Variants in CNTN5 observed in about 807,000 individuals in gnomAD.
CNTN5 encodes the protein contactin 5.
CNTN5 carries 77 observed loss-of-function variants against 129.1 expected under a neutral mutation model. The observed-to-expected ratio is 0.60, with a 90% CI of 0.50 to 0.72. CNTN5 has a LOEUF of 0.72. CNTN5 is among the 30% of genes least tolerant of loss of function. The probability of loss-of-function intolerance (pLI) is 0.00; values close to 1 mark genes in which losing one functional copy is unlikely to be tolerated. For missense variants in CNTN5, 1,478 were observed against 1,328.8 expected, an observed-to-expected ratio of 1.11 and a Z score of -1.75; for synonymous variants, 509 against 465.6, an observed-to-expected ratio of 1.09 and a Z score of -1.20.
Position 100,354,024 on chromosome 11 carries a change from T to C in CNTN5, c.3200-2093T>C, listed in dbSNP as rs377677191. 6.6e-5 allele frequency among the ~76,000 whole-genome samples: 10 copies of C among 151,534 alleles called. No individual in the cohort carries two copies. In the East Asian group the frequency reaches 1.7e-3, roughly 26 times the overall value. On this transcript the variant is annotated intron_variant, in intron 24 of 24. Coordinates refer to ENST00000524871, the MANE Select transcript of CNTN5 (RefSeq NM_014361.4). ...TAGGGTTTTAACTAAGGCCAATCAT[T>C]GTTTTAAGAGAGATAATACACGAGT... is the stretch of plus-strand genomic sequence containing the variant.
chr11:99,187,305 G>A (rs948355899), intron 1 of CNTN5, among the ~76,000 whole-genome samples: 26 of 151,578 alleles, frequency 1.7e-4, no homozygotes, highest in African/African-American at 5.6e-4. Context: ...AGAAGTCTGC[G>A]AAATAAAGGA....
At chr11:99,657,066 A>C in intron 3 of CNTN5, among the ~76,000 whole-genome samples, 1 of 88,136 alleles carries the variant, frequency 1.1e-5, no homozygotes, top group African/African-American at 3.2e-5. Context: ...ACAAAAAATA[A>C]GAAAAAAAAA....
At chr11:99,884,243 G>A (rs975120836) in intron 6 of CNTN5, among the ~76,000 whole-genome samples, 4 of 151,818 alleles carry the variant, frequency 2.6e-5, no homozygotes, top group African/African-American at 4.8e-5. Context: ...ACAACAAATA[G>A]TAAAAGATCA....
At chr11:99,404,194 C>G (rs76312522) in intron 2 of CNTN5, among the ~76,000 whole-genome samples, 11,571 of 151,140 alleles carry the variant, frequency 0.077, 512 homozygotes, top group Non-Finnish European at 0.096. Flanking sequence ...TTTTTGGTTT[C>G]TATTGTCATG....
At chr11:99,927,728 G>C (rs958639463) in intron 7 of CNTN5, among the ~76,000 whole-genome samples, 1 of 152,084 alleles carries the variant, frequency 6.6e-6, no homozygotes. Flanking sequence ...GATTATGGGA[G>C]CTTCAATTCA....
At chr11:100,313,908 T>C (rs1424419692) in intron 21 of CNTN5, among the ~76,000 whole-genome samples, 1 of 152,198 alleles carries the variant, frequency 6.6e-6, no homozygotes, top group East Asian at 1.9e-4. Flanking sequence ...TGCTTAATGC[T>C]GCCAAGAGAT....
intron 13 of CNTN5, among the ~76,000 whole-genome samples, chr11:100,108,247 G>A (rs1945522388): frequency 6.6e-6 from 1 of 152,010 alleles, no homozygotes; most frequent in Non-Finnish European, 1.5e-5. Flanking sequence ...AGAATTCAGT[G>A]AGATTAGTGC....
At chr11:100,317,963 T>C (rs760069042) in intron 21 of CNTN5, among the ~76,000 whole-genome samples, 38 of 152,028 alleles carry the variant, frequency 2.5e-4, no homozygotes, top group Non-Finnish European at 4.9e-4. Flanking sequence ...ATTTCTCGGC[T>C]GGGCGCGATG....
rs529512879 is a variant in CNTN5, at chr11:100,196,732, A to C, written c.1884+3069A>C. Among the ~76,000 whole-genome samples the C allele has an allele frequency of 2.0e-5, 3 of 152,124 alleles. No individual in the cohort carries two copies. The South Asian group carries it at 6.2e-4, about 32-fold the overall frequency. Reference sequence around the variant, plus strand: ...AATTTGACTAATTTGGAGTGAATCCATTATTGGAAGTCACTGTTGAAAGGG... The same window carrying C: ...AATTTGACTAATTTGGAGTGAATCCCTTATTGGAAGTCACTGTTGAAAGGG... On this transcript the variant is annotated intron_variant, in intron 15 of 24. Coordinates refer to ENST00000524871, the MANE Select transcript of CNTN5 (RefSeq NM_014361.4).
At position 100,357,994 on chromosome 11, in the gene CNTN5, G is replaced by A. The variant is rs943031589; in HGVS notation, c.*1774G>A. 10 of 151,818 alleles carry A rather than the reference G, an allele frequency of 6.6e-5. No homozygotes were observed. Among genetic ancestry groups the A allele is most frequent in the African/African-American group, 2.4e-4 (10 of 41,398 alleles). The allele number at this position is 151,818 out of a possible 1,614,324, so 9.4% of individuals were successfully genotyped here. ...TGTAAGTAAGTAATTATGACCAAGTGGCCTTTCTTGAACGCCTCCTTTAAA... is the reference window on the plus strand; with the variant it reads ...TGTAAGTAAGTAATTATGACCAAGTAGCCTTTCTTGAACGCCTCCTTTAAA... On this transcript the variant is annotated 3_prime_UTR_variant, in exon 25 of 25. Coordinates refer to ENST00000524871, the MANE Select transcript of CNTN5 (RefSeq NM_014361.4).
intron 1 of CNTN5, among the ~76,000 whole-genome samples, chr11:99,318,094 G>A (rs1045112408): frequency 3.3e-5 from 5 of 152,044 alleles, no homozygotes; most frequent in East Asian, 1.9e-4. Context: ...TTTTTAAACA[G>A]CATAAAAACC....
At chr11:100,286,441 C>T (rs1420311446) in intron 18 of CNTN5, among the ~76,000 whole-genome samples, 2,284 of 151,418 alleles carry the variant, frequency 0.015, 18 homozygotes, top group Non-Finnish European at 0.022. Flanking sequence ...CAAGTGGGTC[C>T]CTGACCCCTG....
At chr11:99,266,986 A>C (rs1006361909) in intron 1 of CNTN5, among the ~76,000 whole-genome samples, 1 of 152,072 alleles carries the variant, frequency 6.6e-6, no homozygotes, top group African/African-American at 2.4e-5. Flanking sequence ...ATTTAATCCT[A>C]AGGAAAATTG....
At chr11:100,312,864 A>G (rs1380392097) in intron 21 of CNTN5, among the ~76,000 whole-genome samples, 1 of 152,062 alleles carries the variant, frequency 6.6e-6, no homozygotes, top group Admixed American at 6.6e-5. Context: ...AATAAGATAG[A>G]TAAGGTTCTG....
intron 3 of CNTN5, among the ~76,000 whole-genome samples, chr11:99,615,462 AC>A (rs1950730928): frequency 6.6e-6 from 1 of 152,190 alleles, no homozygotes; most frequent in Non-Finnish European, 1.5e-5. Flanking sequence ...AACCTAATCC[AC>A]AATTTTCCTA....
At chr11:99,183,102 C>T (rs964348478) in intron 1 of CNTN5, among the ~76,000 whole-genome samples, 2 of 152,012 alleles carry the variant, frequency 1.3e-5, no homozygotes, top group Non-Finnish European at 2.9e-5. Context: ...TGATTACATT[C>T]AATTTTGGTT....
At chr11:100,307,821 C>T (rs888234428) in intron 20 of CNTN5, among the ~76,000 whole-genome samples, 8 of 151,526 alleles carry the variant, frequency 5.3e-5, no homozygotes, top group East Asian at 2.0e-4. Flanking sequence ...ACATTTTTAA[C>T]GCCAAGCACA....
intron 3 of CNTN5, among the ~76,000 whole-genome samples, chr11:99,792,595 G>C (rs915559111): frequency 6.7e-6 from 1 of 149,960 alleles, no homozygotes; most frequent in Non-Finnish European, 1.5e-5. Context: ...CTGTCTGTCT[G>C]TCTGCAAGGT....
chr11:100,057,065 C>T (rs1423168282), intron 9 of CNTN5, among the ~76,000 whole-genome samples: 5 of 151,114 alleles, frequency 3.3e-5, no homozygotes, highest in South Asian at 4.2e-4. Flanking sequence ...TGTATCAATA[C>T]GTATCATATG....
Sources: gnomAD v4.1 joint callset for allele counts (sites outside exome capture counted in the v4.1 genomes callset) on GRCh38, gnomAD v4.1.1 for gene constraint, MANE v1.5 for transcripts, NCBI Gene and HGNC (gene_info 2026-07-23, HGNC 2026-07-21) for gene names.